GRIK3: variants seen among roughly 807,000 people sequenced by gnomAD.
GRIK3 encodes glutamate ionotropic receptor kainate type subunit 3.
A neutral mutation model predicts 102.5 loss-of-function variants in GRIK3; 29 were observed. The observed-to-expected ratio is 0.28, with a 90% CI of 0.21 to 0.39. The LOEUF (loss-of-function observed/expected upper bound fraction) is 0.39. GRIK3 is among the 10% of genes least tolerant of loss of function. The probability of loss-of-function intolerance (pLI) is 1.00; values close to 1 mark genes in which losing one functional copy is unlikely to be tolerated. For missense variants in GRIK3, 908 were observed against 1,252.4 expected (o/e 0.73, Z 4.15); for synonymous variants, 511 against 504.9 (o/e 1.01, Z -0.16).
chr1:36,957,619 A>ACT (rs1553122958), intron 1 of GRIK3, among the ~76,000 whole-genome samples: 2 of 101,168 alleles, frequency 2.0e-5, no homozygotes, highest in African/African-American at 8.0e-5. Context: ...GTGCCCTGTG[A>ACT]CTGTGCCCCG....
chr1:36,836,050 G>T (rs139946501), intron 10 of GRIK3, among the ~76,000 whole-genome samples: 23 of 152,280 alleles, frequency 1.5e-4, no homozygotes, highest in Middle Eastern at 3.4e-3. Flanking sequence ...GCCCTCAACT[G>T]CCCTGTCCCC....
At chr1:37,004,503 T>C (rs1570859253) in intron 1 of GRIK3, among the ~76,000 whole-genome samples, 2 of 152,162 alleles carry the variant, frequency 1.3e-5, no homozygotes, top group South Asian at 2.1e-4. Context: ...GCCCCCACTT[T>C]CCTGCCCCTT....
Position 36,853,641 on chromosome 1 carries a change from T to G in GRIK3, c.1186A>C (p.Ser396Arg), listed in dbSNP as rs2124231282. The G allele has an allele frequency of 6.2e-7, 1 of 1,613,234 alleles. No individual in the cohort carries two copies. Among genetic ancestry groups the G allele is most frequent in the Admixed American group, 1.7e-5 (1 of 60,026 alleles). The part of the protein sequence containing the change: ...LRTDFDLDII[S>R]LKEDGLEKVG... ...TTCTCCAGGCCATCCTCTTTCAGGC[T>G]GATGATGTCCAGATCAAAATCCGTC... Residue 396 changes from serine to arginine, a missense_variant, in exon 8 of 16, where the codon AGC becomes CGC. Physicochemically the swap from Ser to Arg is moderately radical, Grantham distance 110. Around this residue, in one of 3 missense-constraint regions of GRIK3, gnomAD observed 585 missense variants for 824.9 expected, o/e 0.71. Coordinates refer to ENST00000373091, the MANE Select transcript of GRIK3 (RefSeq NM_000831.4).
rs543321742 is a variant in GRIK3 at position 36,947,747 on chromosome 1, G to GC, written c.116-56652dup. On this transcript the variant is annotated intron_variant, in intron 1 of 15. Transcript: ENST00000373091. ...ATATGCTGCTATTTTCTATCCTCCTGCCCCCCCATGAAGCAGGATAGTTTT... is the reference window on the plus strand; with the variant it reads ...ATATGCTGCTATTTTCTATCCTCCTGCCCCCCCCATGAAGCAGGATAGTTTT... Among the ~76,000 whole-genome samples the GC allele has an allele frequency of 4.0e-5, 6 of 151,794 alleles. No individual in the cohort carries two copies. In the South Asian group the frequency reaches 8.3e-4, roughly 21 times the overall value.
intron 1 of GRIK3, among the ~76,000 whole-genome samples, chr1:36,976,945 C>T (rs539057388): frequency 1.3e-5 from 2 of 152,160 alleles, no homozygotes; most frequent in African/African-American, 2.4e-5. Context: ...CCTGACCCAG[C>T]ATCTGGCACA....
chr1:36,832,074 T>C (rs1404755870), intron 10 of GRIK3, among the ~76,000 whole-genome samples: 1 of 1,090 alleles, frequency 9.2e-4, no homozygotes, highest in Non-Finnish European at 1.9e-3. Context: ...CAGAACTCCC[T>C]GGCGACTGCT....
intron 1 of GRIK3, among the ~76,000 whole-genome samples, chr1:36,908,158 T>C (rs1261807038): frequency 6.6e-6 from 1 of 152,188 alleles, no homozygotes; most frequent in African/African-American, 2.4e-5. Flanking sequence ...CCCTGCCTTA[T>C]TCATTCCCCT....
intron 1 of GRIK3, among the ~76,000 whole-genome samples, chr1:37,024,840 T>C (rs1338111122): frequency 1.3e-5 from 2 of 151,724 alleles, no homozygotes; most frequent in Non-Finnish European, 2.9e-5. Flanking sequence ...TTAGAATCCA[T>C]GAGCTTATCC....
intron 1 of GRIK3, among the ~76,000 whole-genome samples, chr1:37,017,292 G>A (rs1642662100): frequency 6.7e-6 from 1 of 149,112 alleles, no homozygotes; most frequent in Non-Finnish European, 1.5e-5. Flanking sequence ...CCAGCACTCT[G>A]GGAGGCCGAG....
chr1:36,922,574 T>A (rs993046802), intron 1 of GRIK3, among the ~76,000 whole-genome samples: 1 of 152,166 alleles, frequency 6.6e-6, no homozygotes, highest in Non-Finnish European at 1.5e-5. Flanking sequence ...GTGATCCAGA[T>A]GTTTACCAGG....
At position 36,927,145 on chromosome 1, in the gene GRIK3, G is replaced by A. The variant is rs181644619; in HGVS notation, c.116-36049C>T. 9.0e-4 allele frequency among the ~76,000 whole-genome samples: 137 copies of A among 152,282 alleles called. 1 individual carries two copies. Among genetic ancestry groups the A allele is most frequent in the Non-Finnish European group, 1.6e-3 (109 of 68,016 alleles). On this transcript the variant is annotated intron_variant, in intron 1 of 15. Coordinates refer to ENST00000373091, the MANE Select transcript of GRIK3 (RefSeq NM_000831.4). ...TGGAGCTAAGTGTGAACACTAAGAG[G>A]GAGGCTCCAGGGGAGACAGAGACCC...
intron 1 of GRIK3, among the ~76,000 whole-genome samples, chr1:37,025,267 T>G (rs990397800): frequency 3.9e-5 from 6 of 152,166 alleles, no homozygotes; most frequent in Non-Finnish European, 8.8e-5. Flanking sequence ...GGGTCCTCCA[T>G]TGACCTAGAA....
Position 36,947,807 on chromosome 1 carries a change from C to G in GRIK3, c.116-56711G>C, listed in dbSNP as rs144242078. ...TGTAGCATCACAGCTTAGAGCCATGCCAGCCCCTCACAGCTCCTGATACTT... is the reference window on the plus strand; with the variant it reads ...TGTAGCATCACAGCTTAGAGCCATGGCAGCCCCTCACAGCTCCTGATACTT... On this transcript the variant is annotated intron_variant, in intron 1 of 15. Coordinates refer to ENST00000373091, the MANE Select transcript of GRIK3 (RefSeq NM_000831.4). Among the ~76,000 whole-genome samples the G allele has an allele frequency of 3.2e-3, 484 of 152,232 alleles. 3 individuals are homozygous for G. The highest frequency in any genetic ancestry group is 0.011 in the African/African-American group (474 of 41,524).
intron 9 of GRIK3, among the ~76,000 whole-genome samples, chr1:36,845,842 C>G (rs1640513650): frequency 6.6e-6 from 1 of 152,216 alleles, no homozygotes. Context: ...AGCCAACACT[C>G]TAGCCCCAGG....
intron 8 of GRIK3, among the ~76,000 whole-genome samples, chr1:36,852,994 C>T (rs1335726584): frequency 1.3e-5 from 2 of 152,190 alleles, no homozygotes; most frequent in African/African-American, 4.8e-5. Context: ...AGATGGGAGG[C>T]CCCAGCCCCA....
At chr1:36,960,056 G>A (rs1308551698) in intron 1 of GRIK3, among the ~76,000 whole-genome samples, 1 of 124,916 alleles carries the variant, frequency 8.0e-6, no homozygotes, top group Non-Finnish European at 1.8e-5. Flanking sequence ...CTGTGAGCCT[G>A]TGTGCCCTGT....
chr1:36,912,341 C>T (rs1406977680), intron 1 of GRIK3, among the ~76,000 whole-genome samples: 6 of 152,148 alleles, frequency 3.9e-5, no homozygotes, highest in African/African-American at 1.2e-4. Flanking sequence ...GGTGGATAAA[C>T]GTCCAGCTTC....
intron 1 of GRIK3, among the ~76,000 whole-genome samples, chr1:36,891,884 A>G (rs776766486): frequency 4.6e-5 from 7 of 152,276 alleles, no homozygotes; most frequent in Non-Finnish European, 1.0e-4. Context: ...GCACAAATTA[A>G]TAGTGTTTCT....
At chr1:36,906,996 T>C (rs779018781) in intron 1 of GRIK3, among the ~76,000 whole-genome samples, 69 of 152,326 alleles carry the variant, frequency 4.5e-4, no homozygotes, top group Non-Finnish European at 7.1e-4. Flanking sequence ...ATTATATGAA[T>C]GTATTACTTT....
Sources: allele counts gnomAD v4.1 joint callset (sites outside exome capture counted in the v4.1 genomes callset), GRCh38; gene constraint gnomAD v4.1.1; regional missense constraint gnomAD v4.1.1; transcripts MANE v1.5; gene names NCBI Gene and HGNC (gene_info 2026-07-23, HGNC 2026-07-21).